KRT78: variants seen among roughly 807,000 people sequenced by gnomAD.
The protein encoded by KRT78 is keratin, type II cytoskeletal 78.
Under a neutral mutation model 51.4 loss-of-function variants are expected in KRT78, and 55 were observed. The observed-to-expected ratio is 1.07, with a 90% CI of 0.86 to 1.34. KRT78 has a LOEUF of 1.34. KRT78 is among the 40% of genes most tolerant of loss of function. The pLI, the probability that KRT78 is intolerant of heterozygous loss-of-function variation, is 0.00. For missense variants in KRT78, 652 were observed against 649.4 expected (o/e 1.00, Z -0.04); for synonymous variants, 291 against 264.3 (o/e 1.10, Z -0.98).
rs1940716759 is a variant in KRT78 at position 52,848,899 on chromosome 12, C to A, written c.32G>T (p.Gly11Val). The A allele has an allele frequency of 5.1e-6, 8 of 1,580,126 alleles. No homozygotes were observed. The highest frequency in any genetic ancestry group is 6.0e-6 in the Non-Finnish European group (7 of 1,164,658). MSLSPCRAQR[G>V]FSARSACSAR... ...AGAACAGGCTGAGCGAGCGCTGAAGCCCCTCTGGGCCCGGCATGGGGAGAG... is the reference window on the plus strand; with the variant it reads ...AGAACAGGCTGAGCGAGCGCTGAAGACCCTCTGGGCCCGGCATGGGGAGAG... Residue 11 changes from glycine to valine, a missense_variant, in exon 1 of 9, where the codon GGC becomes GTC. Gly to Val is a moderately radical substitution (Grantham distance 109). Transcript: ENST00000304620.
chr12:52,845,987 G>T, intron 4 of KRT78: 2 of 534,202 alleles, frequency 3.7e-6, no homozygotes, highest in South Asian at 2.8e-5. Flanking sequence ...TATCTGTAGT[G>T]ATTTTTTTCT....
chr12:52,841,519 A>G (rs989291287), intron 6 of KRT78, among the ~76,000 whole-genome samples: 1 of 151,748 alleles, frequency 6.6e-6, no homozygotes, highest in Non-Finnish European at 1.5e-5. Context: ...TAATCCTTTT[A>G]CTTACAATAG....
At chr12:52,847,814 G>T in intron 2 of KRT78, 93 bp downstream of exon 2, 1 of 1,080,572 alleles carries the variant, frequency 9.3e-7, no homozygotes, top group Non-Finnish European at 1.4e-6. Context: ...GCCTCTGGGT[G>T]CTCAGTATGT....
rs1004856214 is a variant in KRT78 at position 52,837,841 on chromosome 12, G to C, written c.*1272C>G. On this transcript the variant is annotated 3_prime_UTR_variant, in exon 9 of 9. Transcript: ENST00000304620. ...AAGTCAATTTAATTGAACTACCTTG[G>C]ATGAATTTAGTTTCCTTCTGGGATC... 1 of 152,204 alleles carries C rather than the reference G, an allele frequency of 6.6e-6. No homozygotes were observed. Among genetic ancestry groups the C allele is most frequent in the Non-Finnish European group, 1.5e-5 (1 of 68,036 alleles). The allele number at this position is 152,204 out of a possible 1,614,324, so 9.4% of individuals were successfully genotyped here. A position where few individuals can be genotyped will look rare whatever the true frequency, so the allele number is the denominator to read the frequency against.
At position 52,839,375 on chromosome 12, in the gene KRT78, GC is replaced by G. The variant is rs1940425964; in HGVS notation, c.1304-4del. The G allele has an allele frequency of 6.2e-7, 1 of 1,612,546 alleles. No homozygotes were observed. Among genetic ancestry groups the G allele is most frequent in the Non-Finnish European group, 8.5e-7 (1 of 1,179,276 alleles). On this transcript the variant is annotated splice_polypyrimidine_tract_variant and splice_region_variant and intron_variant, in intron 8 of 8. Coordinates refer to ENST00000304620, the MANE Select transcript of KRT78 (RefSeq NM_173352.4). Reference sequence around the variant, plus strand: ...GACAGCGCTGCCTCCCACCGAGGCTGCCAAGAAACGCACCGGGTCAGAGCAG... The same window carrying G: ...GACAGCGCTGCCTCCCACCGAGGCTGCAAGAAACGCACCGGGTCAGAGCAG...
At chr12:52,844,817 C>T (rs1183371370) in intron 4 of KRT78, 94 bp from the exon 5 acceptor site, 3 of 1,215,012 alleles carry the variant, frequency 2.5e-6, no homozygotes, top group South Asian at 1.5e-5. Flanking sequence ...TTTCTGCTTA[C>T]ATGCCATGAC....
intron 3 of KRT78, among the ~76,000 whole-genome samples, 163 bp downstream of exon 3, chr12:52,846,601 C>T (rs978043674): frequency 1.3e-5 from 2 of 151,472 alleles, no homozygotes; most frequent in Non-Finnish European, 2.9e-5. Flanking sequence ...CCTTGGGGCC[C>T]CTGTGTCTAG....
In KRT78 at chr12:52,848,008, C is replaced by T; in HGVS notation, c.498G>A (p.Leu166=). The part of the protein sequence containing the change: ...QGLEPVFEAC[L]DQLRKQLEQL... ...GCTCCAGCTGCTTCCTGAGCTGATC[C>T]AGGCAGGCCTCAAAGACAGGCTCCA... The change falls in exon 2 of 9, where the codon CTG becomes CTA. Residue 166 remains leucine (L), a synonymous_variant. Coordinates refer to ENST00000304620, the MANE Select transcript of KRT78 (RefSeq NM_173352.4). 2 of 1,614,194 alleles carry T rather than the reference C, an allele frequency of 1.2e-6. No individual in the cohort carries two copies. Among genetic ancestry groups the T allele is most frequent in the Non-Finnish European group, 8.5e-7 (1 of 1,180,008 alleles).
At position 52,844,218 on chromosome 12, in the gene KRT78, A is replaced by G; in HGVS notation, c.922T>C (p.Tyr308His). The change falls in exon 6 of 9, where the codon TAC (tyrosine) becomes CAC (histidine). Residue 308 changes from tyrosine to histidine, a missense_variant and splice_region_variant. Coordinates refer to ENST00000304620, the MANE Select transcript of KRT78 (RefSeq NM_173352.4). Reference sequence around the variant, plus strand: ...TGGGCAGACACCTGAAGTTCCTGGTACTGAGAGGGGAACAGAGGGGACACC... The same window carrying G: ...TGGGCAGACACCTGAAGTTCCTGGTGCTGAGAGGGGAACAGAGGGGACACC... ...AEAEALYQTKYQELQVSAQLH... is the reference protein window; with the variant it reads ...AEAEALYQTKHQELQVSAQLH... The G allele has an allele frequency of 6.3e-7, 1 of 1,596,536 alleles. No homozygotes were observed. The highest frequency in any genetic ancestry group is 8.5e-7 in the Non-Finnish European group (1 of 1,175,222).
intron 5 of KRT78, 150 bp from the exon 6 acceptor site, chr12:52,844,368 C>A: frequency 8.4e-7 from 1 of 1,192,830 alleles, no homozygotes. Flanking sequence ...TCCAGAAGTC[C>A]AAGCTTATCT....
chr12:52,848,751 A>AC lies in KRT78; in HGVS notation c.179dup (p.Arg61Ter). ...ACTCCCCAAACCGCACCCCCAGCCT[A>AC]CCCCCTGACCCCCAGGTACTCCCAC... is the stretch of plus-strand genomic sequence containing the variant. On this transcript the variant is annotated frameshift_variant, in exon 1 of 9. Transcript: ENST00000304620. LOFTEE classifies it high-confidence loss of function. 1.3e-6 allele frequency: 2 copies of AC among 1,502,280 alleles called. No individual in the cohort carries two copies. Among genetic ancestry groups the AC allele is most frequent in the Admixed American group, 1.8e-5 (1 of 55,078 alleles). The allele number at this position is 1,502,280 out of a possible 1,614,324, so 93.1% of individuals were successfully genotyped here. A position where few individuals can be genotyped will look rare whatever the true frequency, so the allele number is the denominator to read the frequency against.
intron 4 of KRT78, among the ~76,000 whole-genome samples, chr12:52,845,329 C>T (rs1359162765): frequency 6.6e-6 from 1 of 152,036 alleles, no homozygotes; most frequent in Non-Finnish European, 1.5e-5. Context: ...TTATCATACT[C>T]CTCTCCCTCT....
intron 7 of KRT78, 95 bp from the exon 8 acceptor site, chr12:52,839,582 C>A: frequency 1.5e-6 from 2 of 1,377,088 alleles, no homozygotes; most frequent in Non-Finnish European, 2.0e-6. Context: ...GGTCACCCAC[C>A]CTCTCAGCAG....
chr12:52,839,865 C>T lies in KRT78; in HGVS notation c.1167G>A (p.Leu389=). ...CCTGGTACTCGCACAGCAGCCGGGC[C>T]AGGTTCTGCTTGGCCATCCTCAGAG... ...EAALRMAKQN[L]ARLLCEYQEL... is the part of the protein sequence containing the mutation. The change falls in exon 7 of 9, where the codon CTG becomes CTA. Residue 389 remains leucine (L), a synonymous_variant. Transcript: ENST00000304620. 1.2e-6 allele frequency: 2 copies of T among 1,614,094 alleles called. No individual in the cohort carries two copies. Among genetic ancestry groups the T allele is most frequent in the African/African-American group, 1.3e-5 (1 of 75,004 alleles).
rs775936593 is a variant in KRT78 at position 52,844,684 on chromosome 12, C to T, written c.796G>A (p.Val266Met). The T allele has an allele frequency of 3.7e-5, 59 of 1,613,682 alleles. No individual in the cohort carries two copies. Among genetic ancestry groups the T allele is most frequent in the Non-Finnish European group, 4.7e-5 (56 of 1,179,790 alleles). ...QLQTQASDTS[V>M]VLSMDNNRYL... ...CGGTTGTTGTCCATGGACAGCACCACAGACGTGTCGCTGGCCTGGGTCTGG... is the reference window on the plus strand; with the variant it reads ...CGGTTGTTGTCCATGGACAGCACCATAGACGTGTCGCTGGCCTGGGTCTGG... The change falls in exon 5 of 9, where the codon GTG becomes ATG. Residue 266 changes from valine (V) to methionine (M), a missense_variant. Val to Met is a conservative substitution (Grantham distance 21). Transcript: ENST00000304620.
In KRT78 at chr12:52,839,746, C is replaced by G. The variant is rs1263967860; in HGVS notation, c.1268+18G>C. On this transcript the variant is annotated intron_variant, in intron 7 of 8. Transcript: ENST00000304620. The stretch of plus-strand genomic sequence containing the variant: ...CTCCCCAAACTCATATTCCCAGGTC[C>G]CTCCAAGCCTCCCTCACCTGCACTC... The G allele has an allele frequency of 6.2e-7, 1 of 1,608,604 alleles. No individual in the cohort carries two copies. The highest frequency in any genetic ancestry group is 8.5e-7 in the Non-Finnish European group (1 of 1,175,470).
intron 6 of KRT78, 24 bp from the exon 7 acceptor site, chr12:52,840,008 G>A (rs185581837): frequency 2.5e-5 from 39 of 1,577,832 alleles, no homozygotes; most frequent in Admixed American, 5.1e-5. Context: ...AGAAATGAGC[G>A]AGAAGGTGGT....
intron 7 of KRT78, 29 bp from the exon 8 acceptor site, chr12:52,839,516 C>A: frequency 6.4e-7 from 1 of 1,551,636 alleles, no homozygotes; most frequent in South Asian, 1.2e-5. Context: ...GAGGGGGATG[C>A]GCTAAGGAAT....
intron 1 of KRT78, 65 bp downstream of exon 1, chr12:52,848,482 G>T: frequency 6.3e-7 from 1 of 1,578,934 alleles, no homozygotes. Context: ...CCATTTCCAA[G>T]TCCATCAAGA....
Sources: allele counts gnomAD v4.1 joint callset (sites outside exome capture counted in the v4.1 genomes callset), GRCh38; gene constraint gnomAD v4.1.1; transcripts MANE v1.5; gene names NCBI Gene and HGNC (gene_info 2026-07-23, HGNC 2026-07-21).